AP2S1: variants seen among roughly 807,000 people sequenced by gnomAD.
The protein encoded by AP2S1 is AP-2 complex subunit sigma.
A neutral mutation model predicts 21.0 loss-of-function variants in AP2S1; 6 were observed. That is an observed-to-expected ratio of 0.29 (90% CI 0.16 to 0.56). The LOEUF is 0.56. Ranked by LOEUF, AP2S1 falls within the 20% of genes least tolerant of loss-of-function variation. AP2S1 has a pLI of 0.92. For synonymous variants in AP2S1, 63 were observed against 74.6 expected (o/e 0.84, Z 0.80); for missense variants, 60 against 186.2 (o/e 0.32, Z 3.95).
At chr19:46,845,853 G>T in intron 2 of AP2S1, 140 bp downstream of exon 2, 1 of 1,091,014 alleles carries the variant, frequency 9.2e-7, no homozygotes, top group Non-Finnish European at 1.3e-6. Flanking sequence ...GAAGAAGCAA[G>T]CAAGCTCAAA....
chr19:46,839,414 C>G (rs909761529), intron 3 of AP2S1, 51 bp downstream of exon 3: 1 of 1,590,998 alleles, frequency 6.3e-7, no homozygotes. Flanking sequence ...TTGGGGGCCA[C>G]TCCAGGGCTG....
chr19:46,839,656 C>T (rs2055482062), intron 2 of AP2S1, 78 bp from the exon 3 acceptor site: 2 of 1,602,608 alleles, frequency 1.2e-6, no homozygotes, highest in South Asian at 1.1e-5. Flanking sequence ...AAAACATTCA[C>T]TCCTTCACTC....
intron 1 of AP2S1, among the ~76,000 whole-genome samples, chr19:46,846,666 TTG>T (rs1332808116): frequency 9.3e-4 from 141 of 152,188 alleles, no homozygotes; most frequent in Non-Finnish European, 2.8e-4. Flanking sequence ...ATTATATTTT[TTG>T]TTATTTTTAA....
intron 3 of AP2S1, 53 bp downstream of exon 3, chr19:46,839,412 C>T: frequency 6.3e-7 from 1 of 1,592,488 alleles, no homozygotes; most frequent in Non-Finnish European, 8.6e-7. Flanking sequence ...CCTTGGGGGC[C>T]ACTCCAGGGC....
At chr19:46,850,620 C>G in intron 1 of AP2S1, 144 bp downstream of exon 1, 1 of 788,602 alleles carries the variant, frequency 1.3e-6, no homozygotes, top group Non-Finnish European at 2.0e-6. Flanking sequence ...CTTCCCGGCC[C>G]TGGATCGGTC....
intron 2 of AP2S1, among the ~76,000 whole-genome samples, chr19:46,844,223 G>A (rs926382026): frequency 3.3e-5 from 5 of 152,036 alleles, no homozygotes; most frequent in Middle Eastern, 6.8e-3. Context: ...ACTTTTCTAC[G>A]GCTCCCATCT....
At chr19:46,847,630 C>T (rs544746151) in intron 1 of AP2S1, among the ~76,000 whole-genome samples, 5 of 152,268 alleles carry the variant, frequency 3.3e-5, no homozygotes, top group East Asian at 1.9e-4. Context: ...CTGGCAGCCA[C>T]GAGTCTCCTT....
intron 3 of AP2S1, among the ~76,000 whole-genome samples, 153 bp downstream of exon 3, chr19:46,839,312 A>AAAAAG (rs2055471453): frequency 6.9e-6 from 1 of 144,152 alleles, no homozygotes; most frequent in Non-Finnish European, 1.5e-5. Flanking sequence ...AAAAAAAAAA[A>AAAAAG]AAAAAGAAAA....
chr19:46,845,193 G>A (rs568446480), intron 2 of AP2S1, among the ~76,000 whole-genome samples: 31 of 151,176 alleles, frequency 2.1e-4, no homozygotes, highest in African/African-American at 6.6e-4. Flanking sequence ...TGGATTACAA[G>A]GTCAGGAGTT....
intron 3 of AP2S1, 38 bp downstream of exon 3, chr19:46,839,427 C>CCCCCCCCCCCCCCCCCAAAAAA: frequency 2.0e-6 from 3 of 1,505,492 alleles, no homozygotes; most frequent in Admixed American, 1.7e-5. Context: ...CAGGGCTGCC[C>CCCCCCCCCCCCCCCCCAAAAAA]ACCCGCCTCC....
At chr19:46,846,690 G>A (rs911639120) in intron 1 of AP2S1, among the ~76,000 whole-genome samples, 2 of 152,082 alleles carry the variant, frequency 1.3e-5, no homozygotes. Flanking sequence ...TTTTCAGACA[G>A]TGTCTCATTC....
At chr19:46,839,353 C>T in intron 3 of AP2S1, 112 bp downstream of exon 3, 1 of 1,030,540 alleles carries the variant, frequency 9.7e-7, no homozygotes, top group Non-Finnish European at 1.5e-6. Context: ...GGGAGAGTCC[C>T]AGTCACTGCA....
chr19:46,849,716 C>T (rs1014051122), intron 1 of AP2S1, among the ~76,000 whole-genome samples: 5 of 152,100 alleles, frequency 3.3e-5, no homozygotes, highest in African/African-American at 1.2e-4. Flanking sequence ...TCTCCAATCC[C>T]CCTCCTCTGG....
intron 3 of AP2S1, 78 bp downstream of exon 3, chr19:46,839,387 G>T: frequency 1.3e-6 from 2 of 1,530,194 alleles, no homozygotes; most frequent in East Asian, 2.3e-5. Flanking sequence ...GGAGGGACCA[G>T]GGAGGGTTCC....
rs2055448125 is a variant in AP2S1, at chr19:46,838,364, GCTGGGTTGGCCACGGGC to G, written c.*66_*82del. 9.4e-6 allele frequency: 13 copies of G among 1,376,098 alleles called. No homozygotes were observed. In the South Asian group the frequency reaches 1.5e-4, roughly 16 times the overall value. The allele number at this position is 1,376,098 out of a possible 1,614,324, so 85.2% of individuals were successfully genotyped here. ...CTCCTAGGCAGCTGAGGGAAGGACT[GCTGGGTTGGCCACGGGC>G]CTGGGAAGGGGAAGCGAGCAGGCGA... On this transcript the variant is annotated 3_prime_UTR_variant, in exon 5 of 5. Transcript: ENST00000263270. The surrounding 1 kb of genome is among the most constrained non-coding windows in gnomAD (Gnocchi z 4.1).
chr19:46,850,156 C>CA, intron 1 of AP2S1: 1 of 1,232,318 alleles, frequency 8.1e-7, no homozygotes. Context: ...TCTCCTTTTA[C>CA]AGCGCTTTCC....
intron 1 of AP2S1, among the ~76,000 whole-genome samples, chr19:46,846,972 G>A (rs774005917): frequency 6.6e-6 from 1 of 151,890 alleles, no homozygotes; most frequent in Non-Finnish European, 1.5e-5. Flanking sequence ...GTCAGCCAGG[G>A]TTTTTTTAAA....
intron 2 of AP2S1, among the ~76,000 whole-genome samples, chr19:46,843,987 T>C (rs1345086684): frequency 6.6e-6 from 1 of 151,946 alleles, no homozygotes; most frequent in Non-Finnish European, 1.5e-5. Flanking sequence ...CTCGGCTCAC[T>C]GCAACCTCTG....
chr19:46,850,383 C>T, intron 1 of AP2S1: 1 of 1,237,328 alleles, frequency 8.1e-7, no homozygotes, highest in Non-Finnish European at 1.0e-6. Context: ...GCGCTCCCGC[C>T]ACACTTCCAG....
Sources: allele counts gnomAD v4.1 joint callset (sites outside exome capture counted in the v4.1 genomes callset), GRCh38; gene constraint gnomAD v4.1.1; non-coding constraint Gnocchi (gnomAD v3.1); transcripts MANE v1.5; gene names NCBI Gene and HGNC (gene_info 2026-07-23, HGNC 2026-07-21).